Variants in ABTB3 observed in about 807,000 individuals in gnomAD.
ABTB3 encodes the protein ankyrin repeat- and BTB/POZ domain-containing protein 3.
At chr12:107,629,390 T>C in the ABTB3 span, among the ~76,000 whole-genome samples, 1 of 152,146 alleles carries the variant, frequency 6.6e-6, no homozygotes, top group Non-Finnish European at 1.5e-5. Flanking sequence ...ACCATTGCAC[T>C]TCAGCCTGGG....
At chr12:107,483,866 A>C in the ABTB3 span, among the ~76,000 whole-genome samples, 3 of 152,106 alleles carry the variant, frequency 2.0e-5, no homozygotes, top group African/African-American at 7.2e-5. Context: ...TTTTTAAAAA[A>C]GTTTTTGTAG....
the ABTB3 span, among the ~76,000 whole-genome samples, chr12:107,503,277 A>C: frequency 1.3e-5 from 2 of 152,048 alleles, no homozygotes; most frequent in Non-Finnish European, 2.9e-5. Flanking sequence ...AGTGGCCCAG[A>C]GTATGACAGC....
the ABTB3 span, among the ~76,000 whole-genome samples, chr12:107,349,447 A>G: frequency 6.6e-6 from 1 of 152,190 alleles, no homozygotes; most frequent in South Asian, 2.1e-4. Flanking sequence ...GAATTCGTTC[A>G]TTCATTTATT....
At chr12:107,324,840 GGAGA>G in the ABTB3 span, among the ~76,000 whole-genome samples, 1 of 152,144 alleles carries the variant, frequency 6.6e-6, no homozygotes, top group Non-Finnish European at 1.5e-5. Flanking sequence ...AAAAGGAAAG[GGAGA>G]AAGACCTTAC....
chr12:107,494,779 A>C, the ABTB3 span, among the ~76,000 whole-genome samples: 1 of 151,720 alleles, frequency 6.6e-6, no homozygotes, highest in Non-Finnish European at 1.5e-5. Context: ...TCCCCTTCCT[A>C]CTGAGGGCTC....
At chr12:107,514,378 A>G in the ABTB3 span, among the ~76,000 whole-genome samples, 14 of 151,972 alleles carry the variant, frequency 9.2e-5, no homozygotes, top group Non-Finnish European at 1.6e-4. Context: ...ACACACTCAA[A>G]GTAACAGAAT....
At chr12:107,495,503 C>G in the ABTB3 span, among the ~76,000 whole-genome samples, 1 of 152,180 alleles carries the variant, frequency 6.6e-6, no homozygotes, top group African/African-American at 2.4e-5. Context: ...ATGATTAGAA[C>G]CAGTATAGCC....
the ABTB3 span, among the ~76,000 whole-genome samples, chr12:107,451,081 C>T: frequency 6.6e-6 from 1 of 152,016 alleles, no homozygotes; most frequent in South Asian, 2.1e-4. Flanking sequence ...GAATTCCGTA[C>T]GGTGGCCCCT....
chr12:107,486,570 C>T, the ABTB3 span: 1 of 152,000 alleles, frequency 6.6e-6, no homozygotes, highest in African/African-American at 2.4e-5. Context: ...ATTAATCAGG[C>T]CCAGCCCTGC....
chr12:107,519,927 C>A, the ABTB3 span, among the ~76,000 whole-genome samples: 1 of 152,122 alleles, frequency 6.6e-6, no homozygotes, highest in Non-Finnish European at 1.5e-5. Context: ...TGGGTATTCA[C>A]CATACAAGTT....
At chr12:107,320,345 C>T in the ABTB3 span, among the ~76,000 whole-genome samples, 1 of 152,250 alleles carries the variant, frequency 6.6e-6, no homozygotes, top group African/African-American at 2.4e-5. Flanking sequence ...CTGCCTCCAG[C>T]AGGCAGTGAG....
the ABTB3 span, chr12:107,618,399 C>A: frequency 6.3e-7 from 1 of 1,592,622 alleles, no homozygotes; most frequent in Non-Finnish European, 8.6e-7. Flanking sequence ...GCACCCTCCA[C>A]CACGGGCACC....
chr12:107,586,488 T>G, the ABTB3 span, among the ~76,000 whole-genome samples: 7 of 152,008 alleles, frequency 4.6e-5, no homozygotes, highest in Middle Eastern at 3.2e-3. Flanking sequence ...CCCCACAGAC[T>G]CTCCGGCTGG....
the ABTB3 span, among the ~76,000 whole-genome samples, chr12:107,609,792 G>A: frequency 6.6e-6 from 1 of 152,232 alleles, no homozygotes; most frequent in Non-Finnish European, 1.5e-5. Context: ...TTCACACTGT[G>A]TAGCCTTGGG....
the ABTB3 span, among the ~76,000 whole-genome samples, chr12:107,598,739 G>A: frequency 6.6e-6 from 1 of 152,146 alleles, no homozygotes; most frequent in African/African-American, 2.4e-5. Flanking sequence ...GTCCATGCTG[G>A]GAGGTACCCA....
the ABTB3 span, among the ~76,000 whole-genome samples, chr12:107,343,187 T>C: frequency 6.6e-6 from 1 of 151,966 alleles, no homozygotes; most frequent in Non-Finnish European, 1.5e-5. Flanking sequence ...GCTGTTTTTT[T>C]GGTTTTTTAT....
chr12:107,397,797 G>A, the ABTB3 span, among the ~76,000 whole-genome samples: 1 of 151,988 alleles, frequency 6.6e-6, no homozygotes. Flanking sequence ...GTGAGATGGG[G>A]GTCTAATCTA....
chr12:107,627,032 C>G, the ABTB3 span, among the ~76,000 whole-genome samples: 1 of 152,026 alleles, frequency 6.6e-6, no homozygotes, highest in Non-Finnish European at 1.5e-5. Flanking sequence ...AACAGAAAGC[C>G]AACTGACACG....
chr12:107,495,644 A>T, the ABTB3 span, among the ~76,000 whole-genome samples: 1 of 152,170 alleles, frequency 6.6e-6, no homozygotes, highest in African/African-American at 2.4e-5. Context: ...CCCTCCATGA[A>T]TACCCCCTGA....
Sources: allele counts gnomAD v4.1 joint callset (sites outside exome capture counted in the v4.1 genomes callset), GRCh38; gene constraint gnomAD v4.1.1; transcripts MANE v1.5; gene names NCBI Gene and HGNC (gene_info 2026-07-23, HGNC 2026-07-21).